The following PFKM variants were observed in gnomAD, a reference collection of about 807,000 sequenced individuals.
PFKM encodes phosphofructokinase, muscle.
PFKM carries 58 observed loss-of-function variants against 95.5 expected under a neutral mutation model. That is an observed-to-expected ratio of 0.61 (90% CI 0.49 to 0.76). The LOEUF (loss-of-function observed/expected upper bound fraction) is 0.76. Ranked by LOEUF, PFKM falls within the 30% of genes least tolerant of loss-of-function variation. The pLI, the probability that PFKM is intolerant of heterozygous loss-of-function variation, is 0.00. For synonymous variants in PFKM, 336 were observed against 357.2 expected (o/e 0.94, Z 0.67); for missense variants, 678 against 1,005.4 (o/e 0.67, Z 4.40).
chr12:48,145,258 G>A lies in PFKM; in HGVS notation c.2141G>A (p.Arg714His), dbSNP rs139020923. ...TPDSGCVLGM[R>H]KRALVFQPVA... ...GATTCGGGCTGTGTTCTGGGGATGC[G>A]TAAGAGGGCTCTGGTCTTCCAACCA... Residue 714 changes from arginine to histidine, a missense_variant, in exon 22 of 23, where the codon CGT becomes CAT. By Grantham distance (29) the Arg-to-His change is conservative (BLOSUM62 0). Transcript: ENST00000359794. The surrounding 1 kb of genome is among the most constrained non-coding windows in gnomAD (Gnocchi z 4.3). 6.2e-6 allele frequency: 10 copies of A among 1,613,998 alleles called. No individual in the cohort carries two copies. In the East Asian group the frequency reaches 1.6e-4, roughly 25 times the overall value.
upstream of PFKM, chr12:48,105,374 C>G (rs1946435716): frequency 1.9e-6 from 1 of 518,796 alleles, no homozygotes; most frequent in Non-Finnish European, 3.8e-6. Flanking sequence ...TAGGGTACAC[C>G]AAGAAAGAGA....
Position 48,144,032 on chromosome 12 carries a change from T to A in PFKM, c.1881-14T>A, listed in dbSNP as rs750886370. On this transcript the variant is annotated splice_polypyrimidine_tract_variant and intron_variant, in intron 19 of 22. Coordinates refer to ENST00000359794, the MANE Select transcript of PFKM (RefSeq NM_000289.6). ...CAACCACAGAGTCACAGGCTTTTGGTCTCCACCTGGCAGGAATGAAAAGTG... is the reference window on the plus strand; with the variant it reads ...CAACCACAGAGTCACAGGCTTTTGGACTCCACCTGGCAGGAATGAAAAGTG... 6.3e-7 allele frequency: 1 copy of A among 1,579,036 alleles called. No individual in the cohort carries two copies. Among genetic ancestry groups the A allele is most frequent in the East Asian group, 2.2e-5 (1 of 44,708 alleles).
At chr12:48,114,893 A>T (rs1002024259), upstream of PFKM, among the ~76,000 whole-genome samples, 2 of 152,146 alleles carry the variant, frequency 1.3e-5, no homozygotes, top group Non-Finnish European at 2.9e-5. Context: ...AGATGCCTAG[A>T]TTTTAGGTCA....
At chr12:48,107,236 C>T in intron 1 of PFKM, 1 of 657,566 alleles carries the variant, frequency 1.5e-6, no homozygotes, top group South Asian at 1.8e-5. Context: ...GCCTCATGTG[C>T]TGATACTTTT....
intron 5 of PFKM, 58 bp downstream of exon 5, chr12:48,133,115 A>G (rs1949689533): frequency 4.7e-6 from 7 of 1,494,976 alleles, no homozygotes. Context: ...ACGCGTGTAC[A>G]CACACACATC....
intron 2 of PFKM, among the ~76,000 whole-genome samples, chr12:48,129,067 G>T (rs527961006): frequency 6.6e-6 from 1 of 152,172 alleles, no homozygotes; most frequent in East Asian, 1.9e-4. Flanking sequence ...GGACGGGTTG[G>T]CTTTTTCACA....
chr12:48,130,084 C>T (rs1949311271), intron 2 of PFKM, among the ~76,000 whole-genome samples: 2 of 152,116 alleles, frequency 1.3e-5, no homozygotes, highest in East Asian at 1.9e-4. Context: ...GTTATTGTTT[C>T]CCAGATGGTC....
intron 3 of PFKM, among the ~76,000 whole-genome samples, chr12:48,109,347 T>C (rs1262158622): frequency 2.1e-5 from 3 of 144,544 alleles, no homozygotes; most frequent in Non-Finnish European, 4.5e-5. Context: ...TCCTTCTTTC[T>C]TCCTTCCTTT....
intron 2 of PFKM, among the ~76,000 whole-genome samples, chr12:48,129,128 A>C (rs1949151764): frequency 2.6e-5 from 4 of 151,624 alleles, no homozygotes; most frequent in African/African-American, 9.7e-5. Context: ...GGAGAGGGAT[A>C]ATATCATCTG....
chr12:48,105,488 ATGG>A, upstream of PFKM: 1 of 519,142 alleles, frequency 1.9e-6, no homozygotes, highest in Non-Finnish European at 3.8e-6. Context: ...TTTCTTTCTG[ATGG>A]TGGCACTAGC....
rs1282065754 is a variant in PFKM at position 48,131,315 on chromosome 12, G to C, written c.160-1G>C. ...CTGAACAGGTATAATGTGTCACACA[G>C]GGTTATCAAGGCCTGGTGGATGGTG... is the stretch of plus-strand genomic sequence containing the variant. On this transcript the variant is annotated splice_acceptor_variant, in intron 3 of 22. Transcript: ENST00000359794. LOFTEE classifies it high-confidence loss of function. 1.2e-6 allele frequency: 2 copies of C among 1,607,184 alleles called. No individual in the cohort carries two copies. The highest frequency in any genetic ancestry group is 4.5e-5 in the East Asian group (2 of 44,830).
At chr12:48,114,680 C>T (rs1233701580), upstream of PFKM, among the ~76,000 whole-genome samples, 13 of 152,058 alleles carry the variant, frequency 8.5e-5, no homozygotes, top group South Asian at 1.5e-3. Flanking sequence ...GGATTTGGGA[C>T]GAGTTGCATT....
intron 3 of PFKM, among the ~76,000 whole-genome samples, chr12:48,108,613 T>TA (rs1946913703): frequency 6.6e-6 from 1 of 152,204 alleles, no homozygotes; most frequent in Non-Finnish European, 1.5e-5. Flanking sequence ...CTAAATATTG[T>TA]AAAAAATTTT....
intron 2 of PFKM, among the ~76,000 whole-genome samples, 155 bp from the exon 3 acceptor site, chr12:48,130,208 C>T (rs1949325331): frequency 6.6e-6 from 1 of 152,008 alleles, no homozygotes; most frequent in South Asian, 2.1e-4. Context: ...AGTGGGGAGG[C>T]CAGAAGACTT....
exon 1 of PFKM, chr12:48,105,986 C>T: frequency 1.4e-6 from 1 of 700,392 alleles, no homozygotes; most frequent in Non-Finnish European, 2.6e-6. Context: ...GACCAGGCTC[C>T]CTCCATCCTC....
chr12:48,143,711 T>C (rs1277640917), intron 18 of PFKM, 42 bp from the exon 19 acceptor site: 2 of 1,426,450 alleles, frequency 1.4e-6, no homozygotes, highest in Admixed American at 3.3e-5. Context: ...CCCAACCTTA[T>C]CCATTCCCAG....
upstream of PFKM, among the ~76,000 whole-genome samples, chr12:48,116,266 C>T (rs1357705673): frequency 2.7e-5 from 4 of 150,278 alleles, no homozygotes; most frequent in Non-Finnish European, 5.9e-5. Context: ...TCTCTCCACC[C>T]CTCCCTACCT....
intron 2 of PFKM, among the ~76,000 whole-genome samples, chr12:48,128,199 C>T (rs955811981): frequency 6.6e-6 from 1 of 152,084 alleles, no homozygotes; most frequent in Non-Finnish European, 1.5e-5. Context: ...TCTGTATAAC[C>T]TTCTCTGACT....
intron 3 of PFKM, among the ~76,000 whole-genome samples, 200 bp from the exon 4 acceptor site, chr12:48,131,115 AG>A (rs1300658385): frequency 6.6e-6 from 1 of 152,224 alleles, no homozygotes; most frequent in Admixed American, 6.5e-5. Flanking sequence ...CAAAAATGGG[AG>A]AAAGTAGAAG....
Sources: allele counts gnomAD v4.1 joint callset (sites outside exome capture counted in the v4.1 genomes callset), GRCh38; gene constraint gnomAD v4.1.1; non-coding constraint Gnocchi (gnomAD v3.1); transcripts MANE v1.5; gene names NCBI Gene and HGNC (gene_info 2026-07-23, HGNC 2026-07-21).